MYSM1: variants seen among roughly 807,000 people sequenced by gnomAD.
MYSM1 encodes Myb like, SWIRM and MPN domains 1, also known as deubiquitinase MYSM1.
MYSM1 carries 51 observed loss-of-function variants against 116.0 expected under a neutral mutation model. That is an observed-to-expected ratio of 0.44 (90% CI 0.35 to 0.56). MYSM1 has a LOEUF of 0.56. Ranked by LOEUF, MYSM1 falls within the 20% of genes least tolerant of loss-of-function variation. The probability of loss-of-function intolerance (pLI) is 0.00; values close to 1 mark genes in which losing one functional copy is unlikely to be tolerated. For synonymous variants in MYSM1, 313 were observed against 315.2 expected (o/e 0.99, Z 0.07); for missense variants, 900 against 974.9 (o/e 0.92, Z 1.02).
chr1:58,696,657 A>C (rs1488876927), intron 1 of MYSM1, among the ~76,000 whole-genome samples: 1 of 152,214 alleles, frequency 6.6e-6, no homozygotes, highest in Non-Finnish European at 1.5e-5. Flanking sequence ...GATAAAGCTG[A>C]CAAACCATTC....
At chr1:58,690,594 C>T (rs1386624739) in intron 3 of MYSM1, among the ~76,000 whole-genome samples, 177 bp from the exon 4 acceptor site, 1 of 152,084 alleles carries the variant, frequency 6.6e-6, no homozygotes, top group Non-Finnish European at 1.5e-5. Context: ...CCTCTGCCTG[C>T]AGGCTACATG....
chr1:58,673,486 A>C, intron 11 of MYSM1, 87 bp downstream of exon 11: 1 of 1,112,058 alleles, frequency 9.0e-7, no homozygotes, highest in Non-Finnish European at 1.3e-6. Context: ...TGTATGAAAC[A>C]AGTACAATAC....
At chr1:58,674,565 CTTAT>C (rs1480406123) in intron 10 of MYSM1, among the ~76,000 whole-genome samples, 1 of 152,100 alleles carries the variant, frequency 6.6e-6, no homozygotes, top group African/African-American at 2.4e-5. Flanking sequence ...TTTTTCATAT[CTTAT>C]TTATTACTAA....
intron 8 of MYSM1, among the ~76,000 whole-genome samples, chr1:58,677,355 A>T (rs1291241335): frequency 3.3e-5 from 5 of 152,180 alleles, no homozygotes; most frequent in African/African-American, 1.2e-4. Flanking sequence ...ATGTACAGAC[A>T]CAAATTGAAT....
In MYSM1 at chr1:58,659,960, A is replaced by C. The variant is rs753810957; in HGVS notation, c.*37T>G. 2 of 1,285,792 alleles carry C rather than the reference A, an allele frequency of 1.6e-6. No homozygotes were observed. The highest frequency in any genetic ancestry group is 2.1e-6 in the Non-Finnish European group (2 of 960,826). The allele number at this position is 1,285,792 out of a possible 1,614,324, so 79.6% of individuals were successfully genotyped here. On this transcript the variant is annotated 3_prime_UTR_variant, in exon 20 of 20. Transcript: ENST00000472487. The stretch of plus-strand genomic sequence containing the variant: ...GTTTATAACTTTGAAAGTAAGATCT[A>C]CTGTGTCAAGATTAAAATGTCTTAA...
intron 1 of MYSM1, among the ~76,000 whole-genome samples, chr1:58,698,301 C>G (rs1373185288): frequency 6.7e-6 from 1 of 149,988 alleles, no homozygotes; most frequent in African/African-American, 2.5e-5. Flanking sequence ...GGGGTTTCAC[C>G]GTGTTAGCCA....
chr1:58,668,838 A>C, intron 13 of MYSM1, 146 bp downstream of exon 13: 1 of 985,674 alleles, frequency 1.0e-6, no homozygotes, highest in Non-Finnish European at 1.5e-6. Context: ...AAACATTATG[A>C]TTTAAAATTC....
At position 58,685,594 on chromosome 1, in the gene MYSM1, G is replaced by T. The variant is rs553206737; in HGVS notation, c.400-343C>A. 2.0e-5 allele frequency among the ~76,000 whole-genome samples: 3 copies of T among 152,182 alleles called. No individual in the cohort carries two copies. In the South Asian group the frequency reaches 6.2e-4, roughly 32 times the overall value. On this transcript the variant is annotated intron_variant, in intron 6 of 19. Transcript: ENST00000472487. ...TTTAAAATAAATAAGTGCCTGAAAG[G>T]GGTACAGGTTACATTTTCCATTTAT...
In MYSM1 at chr1:58,674,769, C is replaced by CA. The variant is rs950406428; in HGVS notation, c.1494+707dup. 1.9e-4 allele frequency among the ~76,000 whole-genome samples: 28 copies of CA among 151,112 alleles called. No individual in the cohort carries two copies. The Middle Eastern group carries it at 0.017, about 92-fold the overall frequency. On this transcript the variant is annotated intron_variant, in intron 10 of 19. Transcript: ENST00000472487. ...TGAAACCCTGTCTCTACTAAAAATA[C>CA]AAAAAAAATTAGCTTGGTGTGATGG...
chr1:58,680,983 A>C (rs1644733195), intron 8 of MYSM1, among the ~76,000 whole-genome samples: 1 of 151,976 alleles, frequency 6.6e-6, no homozygotes, highest in African/African-American at 2.4e-5. Context: ...CACAATGCCC[A>C]GCTAATATAT....
At chr1:58,689,349 G>T in intron 5 of MYSM1, 3 of 421,800 alleles carry the variant, frequency 7.1e-6, no homozygotes, top group Non-Finnish European at 8.4e-6. Context: ...ATAATCCTTG[G>T]GTCTGAGTGA....
At chr1:58,695,570 T>A (rs757129507) in intron 1 of MYSM1, among the ~76,000 whole-genome samples, 16 of 152,240 alleles carry the variant, frequency 1.1e-4, no homozygotes, top group South Asian at 8.3e-4. Flanking sequence ...AGTACCCATG[T>A]GTATACAGGA....
At position 58,657,220 on chromosome 1, in the gene MYSM1, T is replaced by C. The variant is rs940239563; in HGVS notation, c.*2777A>G. The C allele has an allele frequency of 7.3e-6, 1 of 137,856 alleles. No homozygotes were observed. The highest frequency in any genetic ancestry group is 1.5e-5 in the Non-Finnish European group (1 of 64,682). The allele number at this position is 137,856 out of a possible 1,614,324, so 8.5% of individuals were successfully genotyped here. On this transcript the variant is annotated 3_prime_UTR_variant, in exon 20 of 20. Transcript: ENST00000472487. ...AATACTGGGGAAGCGCTAGTGTCGA[T>C]TTCCATTAGCCAAGCCAGAAAAAAA...
At position 58,660,164 on chromosome 1, in the gene MYSM1, A is replaced by C; in HGVS notation, c.2329-9T>G. On this transcript the variant is annotated splice_polypyrimidine_tract_variant and intron_variant, in intron 19 of 19. Transcript: ENST00000472487. ...CTCATACACTCCAAAAGCTAGTTGA[A>C]AAGAAAAGTTTTATATTTAAATACA... 6.6e-7 allele frequency: 1 copy of C among 1,511,890 alleles called. No homozygotes were observed. The highest frequency in any genetic ancestry group is 8.9e-7 in the Non-Finnish European group (1 of 1,129,570). The allele number at this position is 1,511,890 out of a possible 1,614,324, so 93.7% of individuals were successfully genotyped here.
chr1:58,672,338 T>C (rs1255127167), intron 11 of MYSM1, among the ~76,000 whole-genome samples: 1 of 152,160 alleles, frequency 6.6e-6, no homozygotes, highest in Non-Finnish European at 1.5e-5. Context: ...TAAGAACAGA[T>C]TCTGGATCTA....
intron 12 of MYSM1, among the ~76,000 whole-genome samples, chr1:58,670,089 G>A (rs1323485849): frequency 6.6e-6 from 1 of 152,118 alleles, no homozygotes; most frequent in Admixed American, 6.5e-5. Context: ...TTCAACCATA[G>A]ATGGTTAGCT....
chr1:58,682,136 T>C lies in MYSM1; in HGVS notation c.908A>G (p.Asn303Ser), dbSNP rs1336529303. The change falls in exon 8 of 20, where the codon AAT (asparagine) becomes AGT (serine). Residue 303 changes from asparagine (N) to serine (S), a missense_variant. By Grantham distance (46) the Asn-to-Ser change is conservative. Coordinates refer to ENST00000472487, the MANE Select transcript of MYSM1 (RefSeq NM_001085487.3). ...TAATTCAATTGATTTTTTGTCACCA[T>C]TGCTCTGTTTCTCAGTCCACAGTGT... is the stretch of plus-strand genomic sequence containing the variant. ...EITLWTEKQS[N>S]GDKKSIELND... is the part of the protein sequence containing the mutation. The C allele has an allele frequency of 1.2e-6, 2 of 1,613,690 alleles. No homozygotes were observed. The highest frequency in any genetic ancestry group is 1.7e-6 in the Non-Finnish European group (2 of 1,179,818).
chr1:58,675,078 TAA>T (rs558281814), intron 10 of MYSM1, among the ~76,000 whole-genome samples: 3 of 148,104 alleles, frequency 2.0e-5, no homozygotes, highest in African/African-American at 7.4e-5. Flanking sequence ...ACTCCAAGAA[TAA>T]AAAAAAAGTC....
chr1:58,681,915 G>C lies in MYSM1; in HGVS notation c.1129C>G (p.Gln377Glu). The C allele has an allele frequency of 1.2e-6, 2 of 1,613,906 alleles. No homozygotes were observed. The highest frequency in any genetic ancestry group is 1.7e-6 in the Non-Finnish European group (2 of 1,179,980). ...ATATTTCTATCTATTTCTATTTCCTGTTCTGGTGGCTTAAGCTCTTCTTCC... is the reference window on the plus strand; with the variant it reads ...ATATTTCTATCTATTTCTATTTCCTCTTCTGGTGGCTTAAGCTCTTCTTCC... Reference protein sequence around the residue: ...HEEEELKPPEQEIEIDRNIIQ... With the variant: ...HEEEELKPPEEEIEIDRNIIQ... The change falls in exon 8 of 20, where the codon CAG (glutamine) becomes GAG (glutamate). Residue 377 changes from glutamine to glutamate, a missense_variant. Physicochemically the swap from Gln to Glu is conservative, Grantham distance 29. Around this residue, in one of 3 missense-constraint regions of MYSM1, gnomAD observed 622 missense variants for 623.7 expected, o/e 1.00. Coordinates refer to ENST00000472487, the MANE Select transcript of MYSM1 (RefSeq NM_001085487.3).
Sources: gnomAD v4.1 joint callset for allele counts (sites outside exome capture counted in the v4.1 genomes callset) on GRCh38, gnomAD v4.1.1 for gene constraint, gnomAD v4.1.1 regional missense constraint, MANE v1.5 for transcripts, NCBI Gene and HGNC (gene_info 2026-07-23, HGNC 2026-07-21) for gene names.